PSMA3: variants seen among roughly 807,000 people sequenced by gnomAD.
PSMA3 encodes proteasome 20S subunit alpha 3, also known as proteasome subunit alpha type-3.
Under a neutral mutation model 40.0 loss-of-function variants are expected in PSMA3, and 8 were observed. That is an observed-to-expected ratio of 0.20 (90% CI 0.12 to 0.36). The LOEUF (loss-of-function observed/expected upper bound fraction) is 0.36. Among genes scored for constraint, PSMA3 ranks in the 10% least tolerant of loss-of-function variants. PSMA3 has a pLI of 1.00. For missense variants in PSMA3, 219 were observed against 310.6 expected, an observed-to-expected ratio of 0.70 and a Z score of 2.22; for synonymous variants, 110 against 100.0, an observed-to-expected ratio of 1.10 and a Z score of -0.59.
intron 5 of PSMA3, among the ~76,000 whole-genome samples, chr14:58,259,705 TATG>T (rs1211217426): frequency 2.0e-5 from 3 of 152,156 alleles, no homozygotes; most frequent in African/African-American, 7.2e-5. Context: ...ATATTAGTGA[TATG>T]ATAAAGGGAC....
intron 3 of PSMA3, among the ~76,000 whole-genome samples, chr14:58,257,164 G>A (rs1329273157): frequency 6.6e-6 from 1 of 151,108 alleles, no homozygotes; most frequent in Non-Finnish European, 1.5e-5. Flanking sequence ...TAATGAGGTA[G>A]TGGTAGTAAA....
chr14:58,261,407 G>A (rs1890277372), intron 6 of PSMA3, among the ~76,000 whole-genome samples: 1 of 151,404 alleles, frequency 6.6e-6, no homozygotes, highest in Admixed American at 6.6e-5. Flanking sequence ...TTGAATTCCA[G>A]TCCTCAAGAG....
In PSMA3 at chr14:58,271,327, C is replaced by CTTTT. The variant is rs60528514; in HGVS notation, c.723+346_723+349dup. 7.9e-4 allele frequency among the ~76,000 whole-genome samples: 81 copies of CTTTT among 102,360 alleles called. 3 individuals carry two copies. Among genetic ancestry groups the CTTTT allele is most frequent in the South Asian group, 2.3e-3 (7 of 3,060 alleles). 67.2% of individuals were successfully genotyped at this position (102,360 alleles called of 152,430 possible). Reference sequence around the variant, plus strand: ...ACTTTTAATACTTTAAATATTTGTTCTTTTTTTTTTTTTTTTTTTTGAGAC... The same window carrying CTTTT: ...ACTTTTAATACTTTAAATATTTGTTCTTTTTTTTTTTTTTTTTTTTTTTTGAGAC... On this transcript the variant is annotated intron_variant, in intron 10 of 10. Coordinates refer to ENST00000216455, the MANE Select transcript of PSMA3 (RefSeq NM_002788.4).
chr14:58,244,856 A>G lies in PSMA3; in HGVS notation c.-65A>G. ...AGCGGGCCTGTTACTAGTTTGCGGCATCCTGTGGTATAGGGGAAGCGCTCC... is the reference window on the plus strand; with the variant it reads ...AGCGGGCCTGTTACTAGTTTGCGGCGTCCTGTGGTATAGGGGAAGCGCTCC... On this transcript the variant is annotated 5_prime_UTR_variant, in exon 1 of 11. Coordinates refer to ENST00000216455, the MANE Select transcript of PSMA3 (RefSeq NM_002788.4). 3.1e-6 allele frequency: 5 copies of G among 1,612,072 alleles called. No individual in the cohort carries two copies. Among genetic ancestry groups the G allele is most frequent in the Non-Finnish European group, 3.4e-6 (4 of 1,178,116 alleles).
intron 5 of PSMA3, chr14:58,258,203 TGAGGTGG>T: frequency 2.0e-6 from 1 of 493,142 alleles, no homozygotes; most frequent in South Asian, 3.6e-5. Flanking sequence ...TTTGGGAGGT[TGAGGTGG>T]GAGGATCCCT....
At position 58,270,430 on chromosome 14, in the gene PSMA3, A is replaced by G; in HGVS notation, c.603A>G (p.Val201=). Residue 201 remains valine, a synonymous_variant, in exon 9 of 11, where the codon GTA becomes GTG. Coordinates refer to ENST00000216455, the MANE Select transcript of PSMA3 (RefSeq NM_002788.4). ...VKEVAKIIYI[V]HDEVKDKAFE... is the part of the protein sequence containing the mutation. Reference sequence around the variant, plus strand: ...TTTTCTATTCTAGAATTTACATAGTACATGACGAAGTTAAGGATAAAGCTT... The same window carrying G: ...TTTTCTATTCTAGAATTTACATAGTGCATGACGAAGTTAAGGATAAAGCTT... 6.2e-7 allele frequency: 1 copy of G among 1,613,644 alleles called. No homozygotes were observed. The highest frequency in any genetic ancestry group is 8.5e-7 in the Non-Finnish European group (1 of 1,179,728).
At chr14:58,255,729 A>G (rs1383048845) in intron 3 of PSMA3, among the ~76,000 whole-genome samples, 1 of 152,206 alleles carries the variant, frequency 6.6e-6, no homozygotes, top group East Asian at 1.9e-4. Flanking sequence ...CGATTGCACC[A>G]CTGTGCTCTA....
intron 5 of PSMA3, chr14:58,258,487 A>G (rs1890200472): frequency 6.6e-6 from 1 of 151,462 alleles, no homozygotes. Context: ...AAAGGACTAT[A>G]TAGATCTGAA....
chr14:58,256,117 G>C (rs1890138781), intron 3 of PSMA3, among the ~76,000 whole-genome samples: 1 of 151,682 alleles, frequency 6.6e-6, no homozygotes, highest in Non-Finnish European at 1.5e-5. Flanking sequence ...GCCTCCCAAA[G>C]TGCTGGGATC....
intron 5 of PSMA3, among the ~76,000 whole-genome samples, chr14:58,259,946 A>G (rs186588657): frequency 1.3e-5 from 2 of 152,354 alleles, no homozygotes; most frequent in East Asian, 3.9e-4. Flanking sequence ...AGAAATGTTG[A>G]AAGGCTTTAA....
chr14:58,267,306 G>A, intron 7 of PSMA3, 168 bp from the exon 8 acceptor site: 1 of 1,151,362 alleles, frequency 8.7e-7, no homozygotes, highest in Non-Finnish European at 1.1e-6. Context: ...CCAGCCTGGA[G>A]TATAAATTTC....
At chr14:58,261,534 A>G (rs912601320) in intron 6 of PSMA3, among the ~76,000 whole-genome samples, 15 of 152,208 alleles carry the variant, frequency 9.9e-5, no homozygotes, top group Non-Finnish European at 2.2e-4. Context: ...TTTTTTCAGT[A>G]TGTTATTTAT....
intron 7 of PSMA3, chr14:58,264,691 CT>C (rs1890385570): frequency 6.6e-6 from 1 of 152,178 alleles, no homozygotes; most frequent in Non-Finnish European, 1.5e-5. Flanking sequence ...TTATACAATG[CT>C]AAGTTCTAGA....
intron 9 of PSMA3, among the ~76,000 whole-genome samples, 187 bp downstream of exon 9, chr14:58,270,672 G>C (rs778240936): frequency 1.3e-5 from 2 of 152,174 alleles, no homozygotes; most frequent in Non-Finnish European, 2.9e-5. Context: ...TCCATTTCAT[G>C]GTTTTAAGAT....
intron 2 of PSMA3, among the ~76,000 whole-genome samples, chr14:58,249,667 C>T (rs1889959899): frequency 6.6e-6 from 1 of 151,998 alleles, no homozygotes; most frequent in Non-Finnish European, 1.5e-5. Flanking sequence ...GCATGTGCCA[C>T]CACGCCTGGC....
intron 3 of PSMA3, among the ~76,000 whole-genome samples, chr14:58,255,026 C>T (rs552794879): frequency 6.6e-6 from 1 of 152,146 alleles, no homozygotes; most frequent in East Asian, 1.9e-4. Flanking sequence ...TGTAACTGTC[C>T]TGGGCTAGAG....
intron 6 of PSMA3, among the ~76,000 whole-genome samples, 159 bp downstream of exon 6, chr14:58,261,179 A>AT (rs11402145): frequency 0.68 from 96,775 of 142,300 alleles, 32,660 homozygotes; most frequent in Middle Eastern, 0.82. Context: ...GTCCAACAGA[A>AT]TTTTTTTTTT....
At chr14:58,258,151 C>T in intron 5 of PSMA3, 153 bp downstream of exon 5, 1 of 601,750 alleles carries the variant, frequency 1.7e-6, no homozygotes, top group Non-Finnish European at 2.9e-6. Context: ...ATAGAAACTA[C>T]TTGAGGCTGG....
chr14:58,258,170 G>A (rs1890190107), intron 5 of PSMA3, 172 bp downstream of exon 5: 2 of 555,368 alleles, frequency 3.6e-6, no homozygotes, highest in East Asian at 5.7e-5. Context: ...GGGTGCCATG[G>A]CTCAAGCCTG....
Sources: gnomAD v4.1 joint callset for allele counts (sites outside exome capture counted in the v4.1 genomes callset) on GRCh38, gnomAD v4.1.1 for gene constraint, MANE v1.5 for transcripts, NCBI Gene and HGNC (gene_info 2026-07-23, HGNC 2026-07-21) for gene names.